Variants in PPARGC1A observed in about 807,000 individuals in gnomAD.
PPARGC1A encodes peroxisome proliferator-activated receptor gamma coactivator 1-alpha.
Under a neutral mutation model 88.7 loss-of-function variants are expected in PPARGC1A, and 25 were observed. The observed-to-expected ratio is 0.28, with a 90% confidence interval of 0.21 to 0.39. PPARGC1A has a LOEUF of 0.39. Among genes scored for constraint, PPARGC1A ranks in the 10% least tolerant of loss-of-function variants. PPARGC1A has a pLI of 1.00. For missense variants in PPARGC1A, 880 were observed against 968.7 expected (o/e 0.91, Z 1.22); for synonymous variants, 363 against 355.6 (o/e 1.02, Z -0.24).
the PPARGC1A span, among the ~76,000 whole-genome samples, chr4:24,226,900 T>A: frequency 6.6e-6 from 1 of 152,158 alleles, no homozygotes; most frequent in African/African-American, 2.4e-5. Context: ...AGGAAACAGA[T>A]GAGCTCGGTC....
At chr4:24,411,637 C>A in the PPARGC1A span, among the ~76,000 whole-genome samples, 2 of 152,204 alleles carry the variant, frequency 1.3e-5, no homozygotes, top group Non-Finnish European at 2.9e-5. Context: ...ACGGAATAGT[C>A]TCTCTGCTTT....
the PPARGC1A span, among the ~76,000 whole-genome samples, chr4:24,349,250 A>G: frequency 6.6e-6 from 1 of 152,056 alleles, no homozygotes; most frequent in African/African-American, 2.4e-5. Context: ...TGGTGGTTTG[A>G]TGCTCTATTT....
the PPARGC1A span, among the ~76,000 whole-genome samples, chr4:24,021,903 A>G: frequency 2.0e-5 from 3 of 152,166 alleles, no homozygotes; most frequent in Non-Finnish European, 4.4e-5. Flanking sequence ...TGCAGAATGG[A>G]GCAGAGAGGT....
chr4:23,920,672 T>C, the PPARGC1A span, among the ~76,000 whole-genome samples: 1 of 152,224 alleles, frequency 6.6e-6, no homozygotes, highest in Non-Finnish European at 1.5e-5. Context: ...ACTTCAACTT[T>C]CTTCCTCCCA....
At chr4:24,077,624 GGTGTGTGTGTGTGTGTGTGTGT>G in the PPARGC1A span, among the ~76,000 whole-genome samples, 6 of 130,900 alleles carry the variant, frequency 4.6e-5, no homozygotes, top group Admixed American at 7.7e-5. Flanking sequence ...TGTGTCTAGG[GGTGTGTGTGTGTGTGTGTGTGT>G]GTGTGTGTGT....
the PPARGC1A span, among the ~76,000 whole-genome samples, chr4:24,425,967 A>G: frequency 6.6e-6 from 1 of 152,232 alleles, no homozygotes; most frequent in Non-Finnish European, 1.5e-5. Flanking sequence ...TTAACAATAA[A>G]TATTTCAAAA....
chr4:24,138,022 C>T, the PPARGC1A span, among the ~76,000 whole-genome samples: 1 of 152,124 alleles, frequency 6.6e-6, no homozygotes, highest in Admixed American at 6.5e-5. Flanking sequence ...AGCTCCTTGC[C>T]AGAGGGAAAA....
the PPARGC1A span, among the ~76,000 whole-genome samples, chr4:24,256,232 G>A: frequency 0.013 from 2,022 of 152,226 alleles, 48 homozygotes; most frequent in African/African-American, 0.046. Context: ...GTGGGGAAGG[G>A]AGGGAGTCTT....
the PPARGC1A span, among the ~76,000 whole-genome samples, chr4:24,194,646 ACACACACACACACACACACACAC>A: frequency 5.1e-5 from 1 of 19,550 alleles, no homozygotes. Context: ...ACACACACAC[ACACACACACACACACACACACAC>A]CCCCATCAAG....
chr4:24,207,863 C>T, the PPARGC1A span, among the ~76,000 whole-genome samples: 2 of 152,070 alleles, frequency 1.3e-5, no homozygotes, highest in Non-Finnish European at 1.5e-5. Flanking sequence ...AGGAAAATAC[C>T]ATGACAACAG....
chr4:24,444,435 C>CA, the PPARGC1A span, among the ~76,000 whole-genome samples: 3 of 149,672 alleles, frequency 2.0e-5, no homozygotes, highest in Admixed American at 6.7e-5. Flanking sequence ...CTTATCCAAG[C>CA]AAAAAAAATT....
At chr4:24,310,893 A>C in the PPARGC1A span, among the ~76,000 whole-genome samples, 1 of 152,084 alleles carries the variant, frequency 6.6e-6, no homozygotes, top group Admixed American at 6.5e-5. Flanking sequence ...AAATGTTGGA[A>C]CAGACTTTGA....
chr4:24,087,613 G>A, the PPARGC1A span, among the ~76,000 whole-genome samples: 1 of 152,148 alleles, frequency 6.6e-6, no homozygotes, highest in Non-Finnish European at 1.5e-5. Context: ...TAATCACCTC[G>A]GTTTACAAGT....
chr4:23,979,950 G>C, the PPARGC1A span, among the ~76,000 whole-genome samples: 3 of 152,056 alleles, frequency 2.0e-5, no homozygotes, highest in African/African-American at 7.2e-5. Context: ...CTGCTAATCA[G>C]GGTAGATGGC....
chr4:24,105,747 T>A, the PPARGC1A span, among the ~76,000 whole-genome samples: 20 of 152,120 alleles, frequency 1.3e-4, no homozygotes, highest in South Asian at 4.0e-3. Flanking sequence ...AAGAGTGATA[T>A]CCAAACAAGA....
chr4:24,195,317 T>G, the PPARGC1A span, among the ~76,000 whole-genome samples: 4 of 152,200 alleles, frequency 2.6e-5, no homozygotes, highest in Non-Finnish European at 2.9e-5. Context: ...AAACGCCTAG[T>G]AGGTTTGGTG....
intron 12 of PPARGC1A, among the ~76,000 whole-genome samples, chr4:23,800,305 T>A (rs1718434115): frequency 1.3e-5 from 2 of 152,086 alleles, no homozygotes; most frequent in South Asian, 4.1e-4. Context: ...CTTTCCTTCC[T>A]CAAAGAATTT....
At chr4:24,221,292 T>C in the PPARGC1A span, among the ~76,000 whole-genome samples, 2 of 152,234 alleles carry the variant, frequency 1.3e-5, no homozygotes, top group African/African-American at 2.4e-5. Context: ...CCAGGTGTCA[T>C]GTGCTGTGTA....
chr4:24,193,559 A>G, the PPARGC1A span, among the ~76,000 whole-genome samples: 1 of 152,130 alleles, frequency 6.6e-6, no homozygotes, highest in Non-Finnish European at 1.5e-5. Context: ...ACTGAAAGAC[A>G]CTTTCCTGAA....
Sources: gnomAD v4.1 joint callset for allele counts (sites outside exome capture counted in the v4.1 genomes callset) on GRCh38, gnomAD v4.1.1 for gene constraint, MANE v1.5 for transcripts, NCBI Gene and HGNC (gene_info 2026-07-23, HGNC 2026-07-21) for gene names.